Variants in RTL1 observed in about 807,000 individuals in gnomAD.
The protein encoded by RTL1 is retrotransposon-like protein 1.
For missense variants in RTL1, 1,681 were observed against 1,767.5 expected, an observed-to-expected ratio of 0.95 and a Z score of 0.88; for synonymous variants, 727 against 748.4, an observed-to-expected ratio of 0.97 and a Z score of 0.47.
At chr14:100,889,781 G>A (rs990533662) in intron 3 of RTL1, 1 of 146,750 alleles carries the variant, frequency 6.8e-6, no homozygotes, top group African/African-American at 2.4e-5. Flanking sequence ...TTGGAAGCAG[G>A]GCCAGGGGGT....
At position 100,893,909 on chromosome 14, in the gene RTL1, G is replaced by T. The variant is rs986575778; in HGVS notation, c.-148-404C>A. ...TAAGTCCAGCCAGAGCGTCAGCCTCGCTGGCGTCCTCACTGGCCATGGCCC... is the reference window on the plus strand; with the variant it reads ...TAAGTCCAGCCAGAGCGTCAGCCTCTCTGGCGTCCTCACTGGCCATGGCCC... On this transcript the variant is annotated intron_variant, in intron 2 of 3. Transcript: ENST00000649591. The surrounding 1 kb of genome is among the most constrained non-coding windows in gnomAD (Gnocchi z 4.2). Among the ~76,000 whole-genome samples the T allele has an allele frequency of 6.6e-6, 1 of 152,208 alleles. No individual in the cohort carries two copies. Among genetic ancestry groups the T allele is most frequent in the South Asian group, 2.1e-4 (1 of 4,838 alleles).
Position 100,882,526 on chromosome 14 carries a change from G to T in RTL1, c.2263C>A (p.Arg755Ser). Reference protein sequence around the residue: ...HLHHVRQVLVRFRHHNVYCSL... With the variant: ...HLHHVRQVLVSFRHHNVYCSL... ...CAGTAGACGTTGTGATGGCGGAAGC[G>T]GACCAGGACTTGGCGGACGTGGTGG... Residue 755 changes from arginine (R) to serine (S), a missense_variant, in exon 4 of 4, where the codon CGC becomes AGC. Coordinates refer to ENST00000649591, the MANE Select transcript of RTL1 (RefSeq NM_001134888.3). The T allele has an allele frequency of 6.4e-7, 1 of 1,551,898 alleles. No homozygotes were observed. The highest frequency in any genetic ancestry group is 8.7e-7 in the Non-Finnish European group (1 of 1,147,054).
intron 2 of RTL1, chr14:100,898,149 C>T (rs1047493245): frequency 4.0e-5 from 9 of 224,478 alleles, no homozygotes; most frequent in East Asian, 1.0e-4. Flanking sequence ...CAGTCCTAGC[C>T]GTCAGGGTGG....
At chr14:100,896,772 T>G (rs1436644164) in intron 2 of RTL1, among the ~76,000 whole-genome samples, 1 of 152,124 alleles carries the variant, frequency 6.6e-6, no homozygotes, top group Non-Finnish European at 1.5e-5. Context: ...TTGTGTGTTT[T>G]GCACAGGAAT....
Position 100,897,704 on chromosome 14 carries a change from C to T in RTL1, c.-148-4199G>A, listed in dbSNP as rs980792824. The T allele has an allele frequency of 1.1e-4, 25 of 227,176 alleles. 1 individual carries two copies. In the South Asian group the frequency reaches 1.3e-3, roughly 12 times the overall value. 14.1% of individuals were successfully genotyped at this position (227,176 alleles called of 1,614,324 possible). A position where few individuals can be genotyped will look rare whatever the true frequency, so the allele number is the denominator to read the frequency against. ...GCTGTACACACCAGAGTTTATTTAA[C>T]CACCTTGCTGCTGGCATGAAAGCCT... On this transcript the variant is annotated intron_variant, in intron 2 of 3. Coordinates refer to ENST00000649591, the MANE Select transcript of RTL1 (RefSeq NM_001134888.3).
chr14:100,882,439 G>A lies in RTL1; in HGVS notation c.2350C>T (p.Pro784Ser), dbSNP rs1488550450. Residue 784 changes from proline (P) to serine (S), a missense_variant, in exon 4 of 4, where the codon CCC (proline) becomes TCC (serine). Transcript: ENST00000649591. The part of the protein sequence containing the change: ...TVEFLGFVVT[P>S]KGVKLNKNVM... ...TTCTTGTTCAGTTTCACCCCTTTGG[G>A]GGTGACGACGAAGCCCAGGAATTCC... 1.3e-6 allele frequency: 2 copies of A among 1,552,058 alleles called. No individual in the cohort carries two copies. Among genetic ancestry groups the A allele is most frequent in the Non-Finnish European group, 8.7e-7 (1 of 1,147,094 alleles).
At position 100,881,280 on chromosome 14, in the gene RTL1, G is replaced by A. The variant is rs1467315778; in HGVS notation, c.3509C>T (p.Pro1170Leu). 3.2e-6 allele frequency: 5 copies of A among 1,550,330 alleles called. No individual in the cohort carries two copies. In the Admixed American group the frequency reaches 9.8e-5, roughly 30 times the overall value. The change falls in exon 4 of 4, where the codon CCT (proline) becomes CTT (leucine). Residue 1170 changes from proline to leucine, a missense_variant. By Grantham distance (98) the Pro-to-Leu change is moderately conservative. Coordinates refer to ENST00000649591, the MANE Select transcript of RTL1 (RefSeq NM_001134888.3). This position sits in a 1 kb window ranked among gnomAD's most constrained non-coding sequence, Gnocchi z 6.6. The stretch of plus-strand genomic sequence containing the variant: ...CAGAGCATTTCGCTGCCAGCGGCCA[G>A]GGCCCAGGAACAGCTCAGCCAGCTC... ...AQELAELFLG[P>L]GRWQRNALHS... is the part of the protein sequence containing the mutation.
Position 100,883,033 on chromosome 14 carries a change from C to T in RTL1, c.1756G>A (p.Asp586Asn). The change falls in exon 4 of 4, where the codon GAT becomes AAT. Residue 586 changes from aspartate (D) to asparagine (N), a missense_variant. Coordinates refer to ENST00000649591, the MANE Select transcript of RTL1 (RefSeq NM_001134888.3). This position sits in a 1 kb window ranked among gnomAD's most constrained non-coding sequence, Gnocchi z 5.9. ...TCAGAGGGCTCTGATTCAGAAAGATCATCGGATCCGTCTGAGCTTGGCTGG... is the reference window on the plus strand; with the variant it reads ...TCAGAGGGCTCTGATTCAGAAAGATTATCGGATCCGTCTGAGCTTGGCTGG... Reference protein sequence around the residue: ...SDQPSSDGSDDLSESEPSELQ... With the variant: ...SDQPSSDGSDNLSESEPSELQ... 1 of 1,614,158 alleles carries T rather than the reference C, an allele frequency of 6.2e-7. No individual in the cohort carries two copies. Among genetic ancestry groups the T allele is most frequent in the Non-Finnish European group, 8.5e-7 (1 of 1,180,040 alleles).
intron 3 of RTL1, among the ~76,000 whole-genome samples, chr14:100,887,282 T>C (rs1226258800): frequency 6.6e-6 from 1 of 152,204 alleles, no homozygotes; most frequent in African/African-American, 2.4e-5. Flanking sequence ...AAAAGGTCAC[T>C]CTCCCTTGCA....
chr14:100,881,888 G>T lies in RTL1; in HGVS notation c.2901C>A (p.Pro967=). ...GGGAGAAGAAGAAGACCCAATGCCC[G>T]GGGAGAAGTACGGTGAGCCTGTCAT... ...LNNDRLTVLL[P]GHWVFFFSHF... The change falls in exon 4 of 4, where the codon CCC becomes CCA. Residue 967 remains proline, a synonymous_variant. Transcript: ENST00000649591. The surrounding 1 kb of genome is among the most constrained non-coding windows in gnomAD (Gnocchi z 6.6). 1.2e-6 allele frequency: 2 copies of T among 1,613,620 alleles called. No individual in the cohort carries two copies. Among genetic ancestry groups the T allele is most frequent in the Non-Finnish European group, 1.7e-6 (2 of 1,180,020 alleles).
At chr14:100,896,326 A>G (rs192415343) in intron 2 of RTL1, among the ~76,000 whole-genome samples, 4 of 152,254 alleles carry the variant, frequency 2.6e-5, no homozygotes, top group Admixed American at 2.0e-4. Flanking sequence ...CTCTGTCTGC[A>G]TTAGCTTGGT....
rs772713038 is a variant in RTL1, at chr14:100,893,283, C to A, written c.-87+161G>T. On this transcript the variant is annotated intron_variant, in intron 3 of 3. Coordinates refer to ENST00000649591, the MANE Select transcript of RTL1 (RefSeq NM_001134888.3). The surrounding 1 kb of genome is among the most constrained non-coding windows in gnomAD (Gnocchi z 4.2). ...GCTGCTCAAGTATTTGAATAGAGGCCTTGAGTACACACCACCATGTCATGG... is the reference window on the plus strand; with the variant it reads ...GCTGCTCAAGTATTTGAATAGAGGCATTGAGTACACACCACCATGTCATGG... 2.7e-4 allele frequency among the ~76,000 whole-genome samples: 41 copies of A among 152,174 alleles called. No individual in the cohort carries two copies. Among genetic ancestry groups the A allele is most frequent in the Non-Finnish European group, 5.4e-4 (37 of 68,024 alleles).
At chr14:100,897,817 A>G in intron 2 of RTL1, 1 of 221,800 alleles carries the variant, frequency 4.5e-6, no homozygotes. Context: ...GGTGTAAGTA[A>G]TTGCTGAGAT....
At position 100,883,966 on chromosome 14, in the gene RTL1, A is replaced by G. The variant is rs1413086635; in HGVS notation, c.823T>C (p.Ser275Pro). Residue 275 changes from serine (S) to proline (P), a missense_variant, in exon 4 of 4, where the codon TCC becomes CCC. Coordinates refer to ENST00000649591, the MANE Select transcript of RTL1 (RefSeq NM_001134888.3). This position sits in a 1 kb window ranked among gnomAD's most constrained non-coding sequence, Gnocchi z 5.9. ...GDFPAFLEAM[S>P]EVFEYRQALR... ...GCCTGGCGGTACTCAAACACTTCGG[A>G]CATGGCCTCCAGGAAGGCTGGGAAG... is the stretch of plus-strand genomic sequence containing the variant. The G allele has an allele frequency of 6.4e-7, 1 of 1,551,644 alleles. No homozygotes were observed. The highest frequency in any genetic ancestry group is 1.4e-5 in the African/African-American group (1 of 73,158).
In RTL1 at chr14:100,880,868, G is replaced by T. The variant is rs1229074938; in HGVS notation, c.3921C>A (p.His1307Gln). 4 of 1,550,076 alleles carry T rather than the reference G, an allele frequency of 2.6e-6. No individual in the cohort carries two copies. In the Admixed American group the frequency reaches 5.9e-5, roughly 23 times the overall value. ...TGGCTGCCTGCTCCCGGCTGAGCAG[G>T]TGCAGCTGGCCATCTGCACTGTGGA... ...LHIHSADGQL[H>Q]LLSREQAARA... Residue 1307 changes from histidine (H) to glutamine (Q), a missense_variant, in exon 4 of 4, where the codon CAC becomes CAA. By Grantham distance (24) the His-to-Gln change is conservative. Transcript: ENST00000649591.
Position 100,893,599 on chromosome 14 carries a change from A to G in RTL1, c.-148-94T>C, listed in dbSNP as rs963184406. Among the ~76,000 whole-genome samples, 1 of 152,224 alleles carries G rather than the reference A, an allele frequency of 6.6e-6. No homozygotes were observed. Among genetic ancestry groups the G allele is most frequent in the African/African-American group, 2.4e-5 (1 of 41,456 alleles). ...TTCTACAGTAGCAACCACAGTGCAC[A>G]CACACAGTCTTCCAGCCTGCTCTGC... On this transcript the variant is annotated intron_variant, in intron 2 of 3. Transcript: ENST00000649591. The surrounding 1 kb of genome is among the most constrained non-coding windows in gnomAD (Gnocchi z 4.2).
At chr14:100,896,045 C>G (rs1281110392) in intron 2 of RTL1, among the ~76,000 whole-genome samples, 6 of 150,130 alleles carry the variant, frequency 4.0e-5, no homozygotes, top group Admixed American at 4.0e-4. Context: ...TGCACTCCAG[C>G]CTGGGTGACA....
intron 2 of RTL1, among the ~76,000 whole-genome samples, chr14:100,898,229 G>T (rs80334063): frequency 0.11 from 16,970 of 152,204 alleles, 1,113 homozygotes; most frequent in South Asian, 0.15. Flanking sequence ...GCTTAATGCA[G>T]ATCAGTGAGG....
Position 100,881,706 on chromosome 14 carries a change from G to C in RTL1, c.3083C>G (p.Thr1028Arg), listed in dbSNP as rs533536271. Residue 1028 changes from threonine to arginine, a missense_variant, in exon 4 of 4, where the codon ACG (threonine) becomes AGG (arginine). Physicochemically the swap from Thr to Arg is moderately conservative, Grantham distance 71 (BLOSUM62 -1). Coordinates refer to ENST00000649591, the MANE Select transcript of RTL1 (RefSeq NM_001134888.3). This position sits in a 1 kb window ranked among gnomAD's most constrained non-coding sequence, Gnocchi z 6.6. ...TTCATTCTCTTCTTCCCCGGATTCC[G>C]TCGATGGATCCCTGGGGAATCCCCT... Reference protein sequence around the residue: ...ASRGFPRDPSTESGEEENEEQ... With the variant: ...ASRGFPRDPSRESGEEENEEQ... The C allele has an allele frequency of 6.3e-7, 1 of 1,580,672 alleles. No homozygotes were observed. Among genetic ancestry groups the C allele is most frequent in the Non-Finnish European group, 8.6e-7 (1 of 1,162,880 alleles).
Sources: allele counts gnomAD v4.1 joint callset (sites outside exome capture counted in the v4.1 genomes callset), GRCh38; gene constraint gnomAD v4.1.1; non-coding constraint Gnocchi (gnomAD v3.1); transcripts MANE v1.5; gene names NCBI Gene and HGNC (gene_info 2026-07-23, HGNC 2026-07-21).